TUBA1C: variants seen among roughly 807,000 people sequenced by gnomAD.
TUBA1C encodes tubulin alpha 1c, also known as tubulin alpha-1C chain.
In TUBA1C, 16 loss-of-function variants were observed where a neutral mutation model predicts 34.9. The observed-to-expected ratio is 0.46, with a 90% CI of 0.31 to 0.70. The LOEUF (loss-of-function observed/expected upper bound fraction) is 0.70, where lower values mean the gene tolerates loss of function less well. Ranked by LOEUF, TUBA1C falls within the 30% of genes least tolerant of loss-of-function variation. The probability of loss-of-function intolerance (pLI) is 0.05; values close to 1 mark genes in which losing one functional copy is unlikely to be tolerated. For synonymous variants in TUBA1C, 177 were observed against 215.9 expected, an observed-to-expected ratio of 0.82 and a Z score of 1.58; for missense variants, 329 against 587.3, an observed-to-expected ratio of 0.56 and a Z score of 4.55.
At chr12:49,266,648 A>G (rs1237974608) in intron 1 of TUBA1C, among the ~76,000 whole-genome samples, 1 of 152,098 alleles carries the variant, frequency 6.6e-6, no homozygotes, top group Admixed American at 6.5e-5. Flanking sequence ...CAGGAGGTCG[A>G]GACCAGCCTG....
At chr12:49,229,769 CT>C (rs893937623) in intron 1 of TUBA1C, among the ~76,000 whole-genome samples, 12 of 150,566 alleles carry the variant, frequency 8.0e-5, no homozygotes, top group South Asian at 4.2e-4. Context: ...TCTTAACTTG[CT>C]TTTTTTTTCT....
intron 1 of TUBA1C, among the ~76,000 whole-genome samples, chr12:49,235,369 G>A (rs1295988971): frequency 6.6e-6 from 1 of 152,110 alleles, no homozygotes; most frequent in Non-Finnish European, 1.5e-5. Flanking sequence ...CCGCTGCAAG[G>A]CCCTTTCCGG....
chr12:49,269,630 G>T lies in TUBA1C; in HGVS notation c.169G>T (p.Gly57Cys), dbSNP rs1250687058. Residue 57 changes from glycine (G) to cysteine (C), a missense_variant, in exon 2 of 4, where the codon GGT becomes TGT. Physicochemically the swap from Gly to Cys is radical, Grantham distance 159. Transcript: ENST00000301072. ...DSFNTFFSETGAGKHVPRAVF... is the reference protein window; with the variant it reads ...DSFNTFFSETCAGKHVPRAVF... ...CTTCAACACCTTCTTCAGTGAAACG[G>T]GTGCTGGCAAGCATGTGCCCCGGGC... 6.2e-7 allele frequency: 1 copy of T among 1,614,176 alleles called. No homozygotes were observed. The highest frequency in any genetic ancestry group is 1.1e-5 in the South Asian group (1 of 91,090).
At chr12:49,237,579 A>G (rs1034992329) in intron 1 of TUBA1C, among the ~76,000 whole-genome samples, 7 of 151,116 alleles carry the variant, frequency 4.6e-5, no homozygotes, top group African/African-American at 1.7e-4. Context: ...CCCTGTCTCT[A>G]TTAAAAGTTT....
intron 1 of TUBA1C, among the ~76,000 whole-genome samples, chr12:49,244,427 A>G (rs1313218752): frequency 6.6e-6 from 1 of 152,204 alleles, no homozygotes; most frequent in Non-Finnish European, 1.5e-5. Context: ...TTACATCTAT[A>G]GTCGTGGTCT....
rs1026696001 is a variant in TUBA1C at position 49,228,141 on chromosome 12, G to A, written c.188G>A (p.Arg63Lys). The change falls in exon 1 of 4, where the codon AGA (arginine) becomes AAA (lysine). Residue 63 changes from arginine to lysine, a missense_variant. Arg to Lys is a conservative substitution (Grantham distance 26). Coordinates refer to the TUBA1C transcript ENST00000541364. ...AACACATGCACATCCAGCAAAAGCA[G>A]AGGAGAACCTGGCTGTGATTCAAAG... The A allele has an allele frequency of 1.6e-5, 24 of 1,535,618 alleles. No individual in the cohort carries two copies. In the Admixed American group the frequency reaches 2.2e-4, roughly 14 times the overall value.
At chr12:49,248,233 C>T (rs1202446463) in intron 1 of TUBA1C, among the ~76,000 whole-genome samples, 1 of 145,680 alleles carries the variant, frequency 6.9e-6, no homozygotes, top group African/African-American at 2.6e-5. Context: ...CAAGATAGAG[C>T]CACTACACTC....
chr12:49,251,557 T>C (rs1477496114), intron 1 of TUBA1C, among the ~76,000 whole-genome samples: 1 of 152,084 alleles, frequency 6.6e-6, no homozygotes. Context: ...GATGGGTCAC[T>C]TGAGGTCAGC....
At chr12:49,229,125 T>C (rs1942468651) in intron 1 of TUBA1C, among the ~76,000 whole-genome samples, 1 of 152,208 alleles carries the variant, frequency 6.6e-6, no homozygotes, top group Non-Finnish European at 1.5e-5. Flanking sequence ...GGATTTTAGC[T>C]TGGTGTATTT....
intron 1 of TUBA1C, among the ~76,000 whole-genome samples, chr12:49,243,148 G>A (rs182024591): frequency 1.3e-5 from 2 of 152,220 alleles, no homozygotes; most frequent in Admixed American, 6.5e-5. Context: ...AATTTGTTAA[G>A]ATGAAATAAG....
rs954611616 is a variant in TUBA1C, at chr12:49,229,623, CTGT to C, written c.213+1459_213+1461del. Reference sequence around the variant, plus strand: ...CCCAGTCCTCTCCCCAAAGAAACCCCTGTTAACAATTTGGGGGTGTAACCAACT... The same window carrying C: ...CCCAGTCCTCTCCCCAAAGAAACCCCTAACAATTTGGGGGTGTAACCAACT... On this transcript the variant is annotated intron_variant, in intron 1 of 3. Coordinates refer to the TUBA1C transcript ENST00000541364. Among the ~76,000 whole-genome samples the C allele has an allele frequency of 1.6e-3, 247 of 152,252 alleles. 1 individual carries two copies. Among genetic ancestry groups the C allele is most frequent in the African/African-American group, 5.8e-3 (239 of 41,548 alleles).
At chr12:49,264,933 C>T (rs1463259715), upstream of TUBA1C, 1 of 403,516 alleles carries the variant, frequency 2.5e-6, no homozygotes, top group Non-Finnish European at 4.2e-6. Flanking sequence ...CAATCAGCGC[C>T]GCGCGCCCCC....
At chr12:49,260,545 G>T (rs1310256692), upstream of TUBA1C, among the ~76,000 whole-genome samples, 1 of 152,136 alleles carries the variant, frequency 6.6e-6, no homozygotes, top group Non-Finnish European at 1.5e-5. Flanking sequence ...AACTTCTAAA[G>T]AATTTGTAGG....
At chr12:49,263,987 G>A (rs1383322541), upstream of TUBA1C, among the ~76,000 whole-genome samples, 2 of 152,094 alleles carry the variant, frequency 1.3e-5, no homozygotes, top group Non-Finnish European at 2.9e-5. Flanking sequence ...TTGGGAGGCC[G>A]AGGCGGGCGG....
chr12:49,269,990 TTTAAA>T lies in TUBA1C; in HGVS notation c.375+16_375+20del. The T allele has an allele frequency of 6.2e-7, 1 of 1,614,198 alleles. No individual in the cohort carries two copies. Among genetic ancestry groups the T allele is most frequent in the Middle Eastern group, 1.7e-4 (1 of 6,058 alleles). On this transcript the variant is annotated intron_variant, in intron 3 of 3. Coordinates refer to ENST00000301072, the MANE Select transcript of TUBA1C (RefSeq NM_032704.5). ...ATTCGCAAGCTGGTAAGTATAGTAC[TTTAAA>T]TAAAGTGGGATGAGAGTTTCTTTTG... is the stretch of plus-strand genomic sequence containing the variant.
intron 1 of TUBA1C, among the ~76,000 whole-genome samples, chr12:49,237,378 A>G (rs1159238290): frequency 6.6e-6 from 1 of 151,854 alleles, no homozygotes; most frequent in East Asian, 1.9e-4. Flanking sequence ...AGATCGTGCC[A>G]TTGCCCTCCA....
intron 1 of TUBA1C, among the ~76,000 whole-genome samples, chr12:49,250,558 C>G (rs903536315): frequency 3.1e-4 from 46 of 149,918 alleles, no homozygotes; most frequent in African/African-American, 1.1e-3. Flanking sequence ...ACACAAATTA[C>G]CAGTATCTAG....
At position 49,241,607 on chromosome 12, in the gene TUBA1C, C is replaced by CCCCT. The variant is rs999103517; in HGVS notation, c.213+13458_213+13461dup. Among the ~76,000 whole-genome samples, 5 of 149,296 alleles carry CCCCT rather than the reference C, an allele frequency of 3.3e-5. No homozygotes were observed. In the South Asian group the frequency reaches 6.5e-4, roughly 19 times the overall value. ...ATAAATGCTTTACACATATTTTCCT[C>CCCCT]CCCTCCCTCCCTCCCTCCCTGCCTT... is the stretch of plus-strand genomic sequence containing the variant. On this transcript the variant is annotated intron_variant, in intron 1 of 3. Coordinates refer to the TUBA1C transcript ENST00000541364.
At chr12:49,267,513 G>A (rs1181657587) in intron 1 of TUBA1C, among the ~76,000 whole-genome samples, 1 of 152,162 alleles carries the variant, frequency 6.6e-6, no homozygotes, top group Non-Finnish European at 1.5e-5. Context: ...ACGAAAATAA[G>A]GCAGGCATGG....
Sources: gnomAD v4.1 joint callset for allele counts (sites outside exome capture counted in the v4.1 genomes callset) on GRCh38, gnomAD v4.1.1 for gene constraint, MANE v1.5 for transcripts, NCBI Gene and HGNC (gene_info 2026-07-23, HGNC 2026-07-21) for gene names.